The following EIF2B3 variants were observed in gnomAD, a reference collection of about 807,000 sequenced individuals.
The protein encoded by EIF2B3 is translation initiation factor eIF2B subunit gamma.
EIF2B3 carries 20 observed loss-of-function variants against 54.1 expected under a neutral mutation model. The observed-to-expected ratio is 0.37, with a 90% CI of 0.26 to 0.54. The LOEUF (loss-of-function observed/expected upper bound fraction) is 0.54. Among genes scored for constraint, EIF2B3 ranks in the 20% least tolerant of loss-of-function variants. The probability of loss-of-function intolerance (pLI) is 0.86; values close to 1 mark genes in which losing one functional copy is unlikely to be tolerated. For synonymous variants in EIF2B3, 153 were observed against 188.1 expected (o/e 0.81, Z 1.52); for missense variants, 448 against 547.8 (o/e 0.82, Z 1.82).
At chr1:44,982,763 G>GT (rs1314058445) in intron 1 of EIF2B3, among the ~76,000 whole-genome samples, 6 of 143,616 alleles carry the variant, frequency 4.2e-5, no homozygotes, top group African/African-American at 1.5e-4. Context: ...ACCATGCCTG[G>GT]CTTTTTTTTT....
chr1:44,949,317 T>G (rs769342029), intron 3 of EIF2B3, among the ~76,000 whole-genome samples: 2 of 152,212 alleles, frequency 1.3e-5, no homozygotes, highest in Non-Finnish European at 2.9e-5. Context: ...CTAGAGATGA[T>G]GCATTTTCTG....
intron 2 of EIF2B3, 75 bp downstream of exon 2, chr1:44,980,946 A>G (rs1284235186): frequency 1.3e-6 from 2 of 1,581,468 alleles, no homozygotes; most frequent in Non-Finnish European, 8.7e-7. Flanking sequence ...TCTCATTCTC[A>G]TAACGCTGAC....
chr1:44,922,481 G>A (rs903713849), intron 5 of EIF2B3, among the ~76,000 whole-genome samples: 3 of 151,068 alleles, frequency 2.0e-5, no homozygotes, highest in Non-Finnish European at 2.9e-5. Flanking sequence ...CAGCTACTTG[G>A]GCGGCTGAGG....
intron 2 of EIF2B3, 58 bp downstream of exon 2, chr1:44,980,963 T>C (rs1247381005): frequency 1.9e-6 from 3 of 1,604,608 alleles, no homozygotes; most frequent in South Asian, 2.2e-5. Flanking sequence ...TGACAAATCA[T>C]GGGGATCAAA....
chr1:44,881,507 T>C lies in EIF2B3; in HGVS notation c.784+105A>G. On this transcript the variant is annotated intron_variant, in intron 7 of 11. Coordinates refer to ENST00000360403, the MANE Select transcript of EIF2B3 (RefSeq NM_020365.5). This position sits in a 1 kb window ranked among gnomAD's most constrained non-coding sequence, Gnocchi z 4.0. ...CTTGCCTCGTAGGCTAGAAATAGTC[T>C]GCTGCCTTGAGTCAGGCATCTTGGG... 1 of 1,455,164 alleles carries C rather than the reference T, an allele frequency of 6.9e-7. No individual in the cohort carries two copies. Among genetic ancestry groups the C allele is most frequent in the Non-Finnish European group, 9.6e-7 (1 of 1,046,528 alleles). The allele number at this position is 1,455,164 out of a possible 1,614,324, so 90.1% of individuals were successfully genotyped here.
chr1:44,920,229 T>C (rs944400306), intron 5 of EIF2B3, among the ~76,000 whole-genome samples: 1 of 151,994 alleles, frequency 6.6e-6, no homozygotes, highest in African/African-American at 2.4e-5. Flanking sequence ...GCTTTCCTTT[T>C]TTAATTTAAT....
At chr1:44,929,438 A>C (rs1643878424) in intron 4 of EIF2B3, among the ~76,000 whole-genome samples, 1 of 152,256 alleles carries the variant, frequency 6.6e-6, no homozygotes, top group Admixed American at 6.5e-5. Flanking sequence ...GCAGTGTTTT[A>C]ATATAAATGA....
intron 8 of EIF2B3, among the ~76,000 whole-genome samples, chr1:44,877,727 C>A (rs1655242004): frequency 6.6e-6 from 1 of 152,176 alleles, no homozygotes; most frequent in South Asian, 2.1e-4. Flanking sequence ...GCTTTGGCTA[C>A]CAGTCTATTA....
intron 1 of EIF2B3, among the ~76,000 whole-genome samples, chr1:44,985,252 T>C (rs186257065): frequency 2.0e-5 from 3 of 152,334 alleles, no homozygotes; most frequent in African/African-American, 7.2e-5. Context: ...AGTCTGCCTT[T>C]CTCTTGTGTC....
intron 6 of EIF2B3, among the ~76,000 whole-genome samples, chr1:44,896,773 T>C (rs10890315): frequency 0.077 from 11,717 of 152,262 alleles, 1,552 homozygotes; most frequent in African/African-American, 0.27. Flanking sequence ...AGTCCGGTGA[T>C]CTGCCAGACA....
At chr1:44,852,955 G>A (rs1320176070) in intron 11 of EIF2B3, among the ~76,000 whole-genome samples, 11 of 152,172 alleles carry the variant, frequency 7.2e-5, no homozygotes, top group African/African-American at 2.4e-4. Flanking sequence ...GAATGCAGAT[G>A]AAGGTTGGTA....
chr1:44,938,449 C>A (rs1341612159), intron 4 of EIF2B3, among the ~76,000 whole-genome samples: 2 of 151,566 alleles, frequency 1.3e-5, no homozygotes, highest in Non-Finnish European at 2.9e-5. Flanking sequence ...GAGTTTGAGA[C>A]CAGCCTGGGC....
rs545484251 is a variant in EIF2B3 at position 44,867,621 on chromosome 1, A to T, written c.1202+7057T>A. ...GGGTAATCAAGTCTCACTTGACTGC[A>T]ATTTAATTACCTTTCCCAGGTTTGC... On this transcript the variant is annotated intron_variant, in intron 10 of 11. Coordinates refer to ENST00000360403, the MANE Select transcript of EIF2B3 (RefSeq NM_020365.5). Among the ~76,000 whole-genome samples the T allele has an allele frequency of 4.6e-5, 7 of 152,268 alleles. No homozygotes were observed. In the East Asian group the frequency reaches 1.4e-3, roughly 29 times the overall value.
Position 44,881,556 on chromosome 1 carries a change from C to G in EIF2B3, c.784+56G>C. On this transcript the variant is annotated intron_variant, in intron 7 of 11. Coordinates refer to ENST00000360403, the MANE Select transcript of EIF2B3 (RefSeq NM_020365.5). The surrounding 1 kb of genome is among the most constrained non-coding windows in gnomAD (Gnocchi z 4.0). The stretch of plus-strand genomic sequence containing the variant: ...GGCTGGGCTAAGCTGCCCAACCACT[C>G]TTTCCAAAGGTGCTGCTACCCTTGC... 6.2e-7 allele frequency: 1 copy of G among 1,609,198 alleles called. No individual in the cohort carries two copies. Among genetic ancestry groups the G allele is most frequent in the East Asian group, 2.2e-5 (1 of 44,672 alleles).
chr1:44,945,253 CT>C (rs1644084260), intron 3 of EIF2B3, among the ~76,000 whole-genome samples: 1 of 144,152 alleles, frequency 6.9e-6, no homozygotes, highest in South Asian at 2.2e-4. Context: ...AACTCTGAGA[CT>C]AAAAAAAAAA....
At chr1:44,954,567 T>C (rs1644202438) in intron 3 of EIF2B3, among the ~76,000 whole-genome samples, 1 of 152,218 alleles carries the variant, frequency 6.6e-6, no homozygotes, top group African/African-American at 2.4e-5. Context: ...TTTTTGCACA[T>C]TGATTTTGTA....
At chr1:44,866,081 G>A (rs7528461) in intron 10 of EIF2B3, among the ~76,000 whole-genome samples, 27,440 of 151,852 alleles carry the variant, frequency 0.18, 2,725 homozygotes, top group Admixed American at 0.28. Context: ...AAGAAGTTAG[G>A]GGATATAAAG....
At chr1:44,922,744 G>A (rs1243821364) in intron 5 of EIF2B3, among the ~76,000 whole-genome samples, 1 of 150,614 alleles carries the variant, frequency 6.6e-6, no homozygotes, top group Non-Finnish European at 1.5e-5. Context: ...TCATTGTAGA[G>A]ACCTTTTGCT....
chr1:44,974,585 G>C (rs1348865786), intron 3 of EIF2B3, among the ~76,000 whole-genome samples: 2 of 152,040 alleles, frequency 1.3e-5, no homozygotes, highest in African/African-American at 4.8e-5. Context: ...CTTGAGCCCA[G>C]GAGTTTGGGG....
Sources: gnomAD v4.1 joint callset for allele counts (sites outside exome capture counted in the v4.1 genomes callset) on GRCh38, gnomAD v4.1.1 for gene constraint, Gnocchi (gnomAD v3.1) non-coding constraint, MANE v1.5 for transcripts, NCBI Gene and HGNC (gene_info 2026-07-23, HGNC 2026-07-21) for gene names.